The following MECOM variants were observed in gnomAD, a reference collection of about 807,000 sequenced individuals.
MECOM encodes the protein histone-lysine N-methyltransferase MECOM.
A neutral mutation model predicts 116.3 loss-of-function variants in MECOM; 13 were observed. The observed-to-expected ratio is 0.11, with a 90% CI of 0.07 to 0.18. MECOM has a LOEUF of 0.18. Among genes scored for constraint, MECOM ranks in the 10% least tolerant of loss-of-function variants. The pLI is 1.00. For synonymous variants in MECOM, 528 were observed against 535.2 expected (o/e 0.99, Z 0.19); for missense variants, 1,299 against 1,509.0 (o/e 0.86, Z 2.31).
intron 2 of MECOM, among the ~76,000 whole-genome samples, chr3:169,375,420 G>C (rs1730850038): frequency 6.6e-6 from 1 of 151,678 alleles, no homozygotes; most frequent in Non-Finnish European, 1.5e-5. Context: ...TGACAAAATA[G>C]ATAGACCACT....
At chr3:169,639,310 G>T (rs1773185160) in intron 1 of MECOM, among the ~76,000 whole-genome samples, 1 of 152,168 alleles carries the variant, frequency 6.6e-6, no homozygotes, top group Non-Finnish European at 1.5e-5. Flanking sequence ...TCTAGCCACA[G>T]AAGTGTCTTC....
rs1743940143 is a variant in MECOM, at chr3:169,168,425, C to T, written c.376-24593G>A. ...ATGGTATTATGTTATCTTCATTTGGCTGAGAGAGATGAGTTTAAAGAATTG... is the reference window on the plus strand; with the variant it reads ...ATGGTATTATGTTATCTTCATTTGGTTGAGAGAGATGAGTTTAAAGAATTG... On this transcript the variant is annotated intron_variant, in intron 2 of 16. Coordinates refer to ENST00000651503, the MANE Select transcript of MECOM (RefSeq NM_004991.4). 2.7e-5 allele frequency among the ~76,000 whole-genome samples: 4 copies of T among 146,846 alleles called. No individual in the cohort carries two copies. In the Admixed American group the frequency reaches 2.8e-4, roughly 10 times the overall value.
intron 2 of MECOM, among the ~76,000 whole-genome samples, chr3:169,258,074 G>T (rs1385427269): frequency 6.6e-6 from 1 of 152,010 alleles, no homozygotes; most frequent in African/African-American, 2.4e-5. Context: ...TACAAAAATT[G>T]GCTGGGCTGG....
intron 2 of MECOM, among the ~76,000 whole-genome samples, chr3:169,215,990 A>G (rs978874858): frequency 6.6e-6 from 1 of 152,210 alleles, no homozygotes; most frequent in African/African-American, 2.4e-5. Flanking sequence ...TTTATGCTTC[A>G]TGTTTTCTCA....
At chr3:169,094,776 T>C (rs1720961304) in intron 13 of MECOM, among the ~76,000 whole-genome samples, 1 of 152,228 alleles carries the variant, frequency 6.6e-6, no homozygotes, top group Admixed American at 6.5e-5. Flanking sequence ...GACTGTCCCC[T>C]GTATTTTAGG....
intron 1 of MECOM, among the ~76,000 whole-genome samples, chr3:169,488,093 C>A (rs1184496016): frequency 6.6e-6 from 1 of 151,940 alleles, no homozygotes; most frequent in African/African-American, 2.4e-5. Context: ...AATAAATGGA[C>A]AAATTCACAA....
chr3:169,396,113 C>A (rs529020264), intron 1 of MECOM, among the ~76,000 whole-genome samples: 1 of 152,260 alleles, frequency 6.6e-6, no homozygotes, highest in African/African-American at 2.4e-5. Flanking sequence ...TTCTTACTGA[C>A]CTGATAGAAT....
intron 2 of MECOM, among the ~76,000 whole-genome samples, chr3:169,212,616 T>C (rs1750871660): frequency 7.4e-6 from 1 of 135,496 alleles, no homozygotes; most frequent in Non-Finnish European, 1.6e-5. Context: ...TAACATAGTC[T>C]TGGTCTTCTA....
At chr3:169,086,481 T>G (rs938940243) in intron 16 of MECOM, 1 of 658,928 alleles carries the variant, frequency 1.5e-6, no homozygotes, top group African/African-American at 1.8e-5. Flanking sequence ...AATTTAAATT[T>G]TAATCCTGCC....
intron 1 of MECOM, among the ~76,000 whole-genome samples, chr3:169,411,995 T>A (rs991091630): frequency 1.4e-5 from 2 of 144,916 alleles, no homozygotes; most frequent in Non-Finnish European, 3.0e-5. Flanking sequence ...TATATAAAAA[T>A]AAAAATAAGG....
intron 1 of MECOM, among the ~76,000 whole-genome samples, chr3:169,652,129 T>A (rs912965499): frequency 6.6e-6 from 1 of 152,074 alleles, no homozygotes; most frequent in East Asian, 1.9e-4. Flanking sequence ...ATTTAGAAAT[T>A]TAGAAATCCA....
At position 169,604,221 on chromosome 3, in the gene MECOM, A is replaced by ATCTCTC. The variant is rs148922198; in HGVS notation, c.37+59109_37+59114dup. 2.0e-5 allele frequency among the ~76,000 whole-genome samples: 3 copies of ATCTCTC among 146,732 alleles called. No individual in the cohort carries two copies. The South Asian group carries it at 6.6e-4, about 32-fold the overall frequency. ...ATTTAAATATACAAAAGAGAGAGAAATCTCTCTCTCTCTCTCTCTCCCTCC... is the reference window on the plus strand; with the variant it reads ...ATTTAAATATACAAAAGAGAGAGAAATCTCTCTCTCTCTCTCTCTCTCTCTCCCTCC... On this transcript the variant is annotated intron_variant, in intron 1 of 16. Coordinates refer to ENST00000651503, the MANE Select transcript of MECOM (RefSeq NM_004991.4).
At chr3:169,412,352 A>T (rs112462098) in intron 1 of MECOM, among the ~76,000 whole-genome samples, 1,729 of 151,174 alleles carry the variant, frequency 0.011, 7 homozygotes, top group Non-Finnish European at 0.017. Flanking sequence ...AGTTTTTTTT[A>T]AATTTATTTG....
chr3:169,218,448 G>C (rs1751689459), intron 2 of MECOM, among the ~76,000 whole-genome samples: 1 of 152,132 alleles, frequency 6.6e-6, no homozygotes, highest in Non-Finnish European at 1.5e-5. Context: ...AGCTTGGGTG[G>C]GAAGTTTACA....
chr3:169,587,034 A>C (rs1360456694), intron 1 of MECOM, among the ~76,000 whole-genome samples: 1 of 152,180 alleles, frequency 6.6e-6, no homozygotes, highest in African/African-American at 2.4e-5. Flanking sequence ...TAATAACCTA[A>C]TAACAGCAGT....
intron 1 of MECOM, among the ~76,000 whole-genome samples, chr3:169,566,894 G>A (rs1249214049): frequency 6.6e-6 from 1 of 152,216 alleles, no homozygotes; most frequent in Non-Finnish European, 1.5e-5. Flanking sequence ...CCAACATGGT[G>A]AGGAAAATGA....
chr3:169,133,134 T>C lies in MECOM; in HGVS notation c.511-1603A>G, dbSNP rs562681895. 3.1e-3 allele frequency among the ~76,000 whole-genome samples: 440 copies of C among 144,122 alleles called. 2 individuals are homozygous for C. The highest frequency in any genetic ancestry group is 5.6e-3 in the African/African-American group (203 of 36,190). The allele number at this position is 144,122 out of a possible 152,430, so 94.5% of individuals were successfully genotyped here. On this transcript the variant is annotated intron_variant, in intron 3 of 16. Coordinates refer to ENST00000651503, the MANE Select transcript of MECOM (RefSeq NM_004991.4). Reference sequence around the variant, plus strand: ...ATACACACACACACACACACACACATACACTACCAAAACAATAACACAACA... The same window carrying C: ...ATACACACACACACACACACACACACACACTACCAAAACAATAACACAACA...
rs1313871178 is a variant in MECOM at position 169,263,107 on chromosome 3, A to G, written c.375+118080T>C. ...TATATATATATATATATATATATAT[A>G]TATATATATATATATATATATGTTT... On this transcript the variant is annotated intron_variant, in intron 2 of 16. Coordinates refer to ENST00000651503, the MANE Select transcript of MECOM (RefSeq NM_004991.4). Among the ~76,000 whole-genome samples the G allele has an allele frequency of 4.1e-3, 292 of 71,074 alleles. 9 individuals carry two copies. Among genetic ancestry groups the G allele is most frequent in the African/African-American group, 0.015 (174 of 11,900 alleles). 46.6% of individuals were successfully genotyped at this position (71,074 alleles called of 152,430 possible). A position where few individuals can be genotyped will look rare whatever the true frequency, so the allele number is the denominator to read the frequency against.
intron 2 of MECOM, among the ~76,000 whole-genome samples, chr3:169,362,844 C>T (rs530673268): frequency 4.2e-4 from 64 of 152,122 alleles, no homozygotes; most frequent in African/African-American, 1.4e-3. Context: ...TTCACACACA[C>T]TTTACCTGAG....
Sources: gnomAD v4.1 joint callset for allele counts (sites outside exome capture counted in the v4.1 genomes callset) on GRCh38, gnomAD v4.1.1 for gene constraint, MANE v1.5 for transcripts, NCBI Gene and HGNC (gene_info 2026-07-23, HGNC 2026-07-21) for gene names.